PIWIL2: variants seen among roughly 807,000 people sequenced by gnomAD.
PIWIL2 encodes piwi like RNA-mediated gene silencing 2.
In PIWIL2, 81 loss-of-function variants were observed where a neutral mutation model predicts 116.5. That is an observed-to-expected ratio of 0.70 (90% CI 0.58 to 0.84). The LOEUF (loss-of-function observed/expected upper bound fraction) is 0.84. Ranked by LOEUF, PIWIL2 falls within the 40% of genes least tolerant of loss-of-function variation. PIWIL2 has a pLI of 0.00. For missense variants in PIWIL2, 1,272 were observed against 1,212.3 expected, an observed-to-expected ratio of 1.05 and a Z score of -0.73; for synonymous variants, 489 against 429.5, an observed-to-expected ratio of 1.14 and a Z score of -1.71.
intron 20 of PIWIL2, among the ~76,000 whole-genome samples, chr8:22,333,619 C>A (rs1033406715): frequency 2.6e-5 from 4 of 151,684 alleles, no homozygotes; most frequent in Non-Finnish European, 4.4e-5. Flanking sequence ...TCTCAAAAAA[C>A]AAACAAAAAA....
intron 16 of PIWIL2, among the ~76,000 whole-genome samples, chr8:22,312,223 C>A (rs1304431146): frequency 1.3e-5 from 2 of 151,124 alleles, no homozygotes; most frequent in East Asian, 3.9e-4. Flanking sequence ...TATGATCATG[C>A]CACTTTACTC....
chr8:22,320,584 G>A (rs1003818626), intron 20 of PIWIL2, among the ~76,000 whole-genome samples: 3 of 150,350 alleles, frequency 2.0e-5, no homozygotes, highest in Non-Finnish European at 4.4e-5. Context: ...GCCTGCTGTG[G>A]CCATTTTCTT....
chr8:22,345,008 G>T (rs912825972), intron 20 of PIWIL2, among the ~76,000 whole-genome samples: 2 of 152,102 alleles, frequency 1.3e-5, no homozygotes, highest in African/African-American at 4.8e-5. Context: ...AAACAGTTGG[G>T]CAGTTCCTTA....
At chr8:22,311,629 A>T (rs192866348) in intron 16 of PIWIL2, among the ~76,000 whole-genome samples, 1 of 152,286 alleles carries the variant, frequency 6.6e-6, no homozygotes, top group African/African-American at 2.4e-5. Context: ...GTCTTGCACG[A>T]TTCACTACTG....
intron 20 of PIWIL2, among the ~76,000 whole-genome samples, chr8:22,336,820 G>T (rs947217255): frequency 1.3e-5 from 2 of 152,126 alleles, no homozygotes; most frequent in East Asian, 3.8e-4. Context: ...GAAGCCAAAA[G>T]TTGGTTCTTT....
chr8:22,336,063 A>G lies in PIWIL2; in HGVS notation c.2404-16896A>G, dbSNP rs533378493. Among the ~76,000 whole-genome samples, 6 of 152,312 alleles carry G rather than the reference A, an allele frequency of 3.9e-5. No individual in the cohort carries two copies. In the South Asian group the frequency reaches 1.2e-3, roughly 32 times the overall value. On this transcript the variant is annotated intron_variant, in intron 20 of 22. Coordinates refer to ENST00000356766, the MANE Select transcript of PIWIL2 (RefSeq NM_018068.5). ...TTCAGCAATAGTTTGAGACTTCAAA[A>G]CTTTATTTTCAGTCTTAGATATAAT...
At chr8:22,294,619 C>A (rs1321856185) in intron 10 of PIWIL2, among the ~76,000 whole-genome samples, 2 of 114,874 alleles carry the variant, frequency 1.7e-5, no homozygotes, top group African/African-American at 7.1e-5. Context: ...CCAGCCTGGG[C>A]GACAGAGTGA....
chr8:22,303,319 A>G (rs1257677437), intron 10 of PIWIL2, among the ~76,000 whole-genome samples: 2 of 152,222 alleles, frequency 1.3e-5, no homozygotes, highest in African/African-American at 4.8e-5. Flanking sequence ...AGTTTTGTAC[A>G]TGAGACTCTA....
chr8:22,321,891 C>A (rs933338419), intron 20 of PIWIL2: 2 of 984,972 alleles, frequency 2.0e-6, no homozygotes, highest in East Asian at 1.1e-4. Context: ...GAACAGTTGC[C>A]GCCTTACACA....
intron 20 of PIWIL2, among the ~76,000 whole-genome samples, chr8:22,345,337 C>A (rs1327668023): frequency 1.3e-5 from 2 of 152,144 alleles, no homozygotes; most frequent in Non-Finnish European, 2.9e-5. Context: ...ATGTTCGTAG[C>A]AACATTATTC....
chr8:22,342,250 T>A (rs547194437), intron 20 of PIWIL2, among the ~76,000 whole-genome samples: 8 of 152,346 alleles, frequency 5.3e-5, no homozygotes, highest in South Asian at 2.1e-4. Context: ...ATTTGATTGC[T>A]AGATTCAATG....
At chr8:22,351,829 G>A (rs114879654) in intron 20 of PIWIL2, among the ~76,000 whole-genome samples, 9,206 of 151,612 alleles carry the variant, frequency 0.061, 343 homozygotes, top group Admixed American at 0.092. Context: ...GTGACCCACC[G>A]TGTCCAGCCC....
intron 20 of PIWIL2, among the ~76,000 whole-genome samples, chr8:22,341,025 ATAGAGCCTT>A (rs1184920400): frequency 6.6e-6 from 1 of 152,188 alleles, no homozygotes; most frequent in Admixed American, 6.5e-5. Context: ...AGATTTGTTC[ATAGAGCCTT>A]TAGAGGAAGC....
chr8:22,285,924 C>T (rs1349303778), intron 6 of PIWIL2, among the ~76,000 whole-genome samples: 1 of 152,136 alleles, frequency 6.6e-6, no homozygotes, highest in Non-Finnish European at 1.5e-5. Context: ...GGATTACCGG[C>T]ATGAGCCACC....
intron 1 of PIWIL2, among the ~76,000 whole-genome samples, chr8:22,278,152 G>A (rs554029821): frequency 8.6e-4 from 130 of 150,792 alleles, no homozygotes; most frequent in South Asian, 3.6e-3. Flanking sequence ...TTGGCAATAA[G>A]AGTGAAACTC....
intron 20 of PIWIL2, among the ~76,000 whole-genome samples, chr8:22,318,538 G>A (rs568436535): frequency 2.6e-5 from 4 of 152,086 alleles, no homozygotes; most frequent in African/African-American, 4.8e-5. Flanking sequence ...GGCTGGTTTC[G>A]AACTCCTGAC....
Position 22,354,357 on chromosome 8 carries a change from T to TGA in PIWIL2, c.2746_2747dup (p.Ser916ArgfsTer9), listed in dbSNP as rs1832443135. 6.2e-7 allele frequency: 1 copy of TGA among 1,610,872 alleles called. No individual in the cohort carries two copies. The highest frequency in any genetic ancestry group is 8.5e-7 in the Non-Finnish European group (1 of 1,177,170). ...GTCTGTGTTCTCAACACCGCAAACC[T>TGA]GAGCCCTGATCATATGCAGAGGTGG... is the stretch of plus-strand genomic sequence containing the variant. On this transcript the variant is annotated frameshift_variant, in exon 22 of 23. Transcript: ENST00000356766. LOFTEE classifies it high-confidence loss of function.
intron 20 of PIWIL2, among the ~76,000 whole-genome samples, chr8:22,350,823 G>A (rs1227105662): frequency 6.6e-6 from 1 of 152,058 alleles, no homozygotes; most frequent in Non-Finnish European, 1.5e-5. Context: ...AACATAGTGA[G>A]ACCCTGTCTC....
chr8:22,278,013 A>C (rs918692502), intron 1 of PIWIL2, among the ~76,000 whole-genome samples: 1 of 152,090 alleles, frequency 6.6e-6, no homozygotes, highest in Non-Finnish European at 1.5e-5. Context: ...TATTAAAAAT[A>C]CAAAATTAGC....
Sources: gnomAD v4.1 joint callset for allele counts (sites outside exome capture counted in the v4.1 genomes callset) on GRCh38, gnomAD v4.1.1 for gene constraint, MANE v1.5 for transcripts, NCBI Gene and HGNC (gene_info 2026-07-23, HGNC 2026-07-21) for gene names.